Variants in ANK2 observed in about 807,000 individuals in gnomAD.
ANK2 encodes ankyrin-2.
A neutral mutation model predicts 360.5 loss-of-function variants in ANK2; 83 were observed. The observed-to-expected ratio is 0.23, with a 90% CI of 0.19 to 0.28. The LOEUF (loss-of-function observed/expected upper bound fraction) is 0.28, where lower values mean the gene tolerates loss of function less well. Among genes scored for constraint, ANK2 ranks in the 10% least tolerant of loss-of-function variants. The pLI is 1.00. For missense variants in ANK2, 4,201 were observed against 4,795.7 expected (o/e 0.88, Z 3.66); for synonymous variants, 1,740 against 1,759.5 (o/e 0.99, Z 0.28).
intron 4 of ANK2, among the ~76,000 whole-genome samples, chr4:113,228,527 A>G (rs1024757039): frequency 2.0e-5 from 3 of 152,006 alleles, no homozygotes; most frequent in Non-Finnish European, 4.4e-5. Context: ...GTTCCTTTTT[A>G]TGGCTGGGTA....
the ANK2 span, among the ~76,000 whole-genome samples, chr4:112,789,197 G>T: frequency 6.6e-6 from 1 of 152,108 alleles, no homozygotes; most frequent in African/African-American, 2.4e-5. Flanking sequence ...GTTCAGAAAG[G>T]ACTCAAAAGG....
At chr4:112,749,779 C>T in the ANK2 span, among the ~76,000 whole-genome samples, 2 of 152,112 alleles carry the variant, frequency 1.3e-5, no homozygotes, top group African/African-American at 4.8e-5. Flanking sequence ...CAGAGTCTTG[C>T]TCTGTCACCA....
the ANK2 span, among the ~76,000 whole-genome samples, chr4:112,745,706 G>T: frequency 5.3e-5 from 8 of 151,780 alleles, no homozygotes; most frequent in South Asian, 1.7e-3. Flanking sequence ...GCTAATTTTT[G>T]ATTTTTAGTA....
chr4:113,000,297 A>G (rs554240810), intron 2 of ANK2, among the ~76,000 whole-genome samples: 8 of 152,350 alleles, frequency 5.3e-5, no homozygotes, highest in African/African-American at 1.9e-4. Flanking sequence ...TTCCTGGTAC[A>G]GAGAGATGGA....
At chr4:113,039,034 G>A (rs2062252613) in intron 2 of ANK2, among the ~76,000 whole-genome samples, 1 of 152,060 alleles carries the variant, frequency 6.6e-6, no homozygotes, top group African/African-American at 2.4e-5. Context: ...GGTATTTTGT[G>A]AGGTAATAGG....
At chr4:113,203,684 T>A (rs2098891827) in intron 4 of ANK2, among the ~76,000 whole-genome samples, 1 of 152,146 alleles carries the variant, frequency 6.6e-6, no homozygotes, top group African/African-American at 2.4e-5. Flanking sequence ...CTGCCAGGCA[T>A]TGTCTCTAGT....
chr4:113,268,709 C>CT (rs535740656), intron 14 of ANK2, among the ~76,000 whole-genome samples: 105 of 152,178 alleles, frequency 6.9e-4, no homozygotes, highest in African/African-American at 2.4e-3. Flanking sequence ...CTGAAATTTT[C>CT]TTTTTTTGTT....
chr4:113,149,316 C>T (rs2096949118), intron 1 of ANK2: 1 of 151,992 alleles, frequency 6.6e-6, no homozygotes, highest in Non-Finnish European at 1.5e-5. Flanking sequence ...GAGATGATTC[C>T]TTATCTATGA....
the ANK2 span, among the ~76,000 whole-genome samples, chr4:112,805,444 C>T: frequency 2.0e-5 from 3 of 152,046 alleles, no homozygotes; most frequent in Non-Finnish European, 2.9e-5. Context: ...TTTTTGTGCT[C>T]GCTATGCACC....
chr4:112,803,506 G>A, the ANK2 span, among the ~76,000 whole-genome samples: 37 of 152,216 alleles, frequency 2.4e-4, no homozygotes, highest in African/African-American at 8.7e-4. Context: ...GTCAAAGAAT[G>A]TTGGCTGCCA....
chr4:113,005,500 C>T (rs2052507451), intron 2 of ANK2, among the ~76,000 whole-genome samples: 2 of 152,064 alleles, frequency 1.3e-5, no homozygotes, highest in Non-Finnish European at 2.9e-5. Flanking sequence ...GCAAATACCA[C>T]GTGTCCTCAC....
At chr4:113,314,235 T>C (rs1390046195) in intron 24 of ANK2, among the ~76,000 whole-genome samples, 1 of 152,200 alleles carries the variant, frequency 6.6e-6, no homozygotes, top group Non-Finnish European at 1.5e-5. Context: ...TACTAAATAA[T>C]AATGAACCAC....
chr4:112,709,630 T>C, the ANK2 span, among the ~76,000 whole-genome samples: 93 of 152,160 alleles, frequency 6.1e-4, 1 homozygote, highest in East Asian at 0.017. Flanking sequence ...GCACCTGTAA[T>C]CCCAGATACT....
At chr4:112,967,761 G>A (rs2037886882) in intron 2 of ANK2, among the ~76,000 whole-genome samples, 1 of 152,178 alleles carries the variant, frequency 6.6e-6, no homozygotes, top group South Asian at 2.1e-4. Context: ...CACTCAGACA[G>A]ATCTTGAATG....
At chr4:113,105,891 T>C (rs1384327856) in intron 1 of ANK2, among the ~76,000 whole-genome samples, 1 of 152,198 alleles carries the variant, frequency 6.6e-6, no homozygotes, top group Non-Finnish European at 1.5e-5. Flanking sequence ...TATACATATT[T>C]TGATTTAACC....
intron 1 of ANK2, among the ~76,000 whole-genome samples, chr4:112,901,641 C>T (rs538495128): frequency 3.3e-5 from 5 of 151,890 alleles, no homozygotes; most frequent in Admixed American, 6.6e-5. Context: ...GGCAGGCGGA[C>T]CATGAGGTCA....
At chr4:113,047,737 T>C (rs313936), upstream of ANK2, among the ~76,000 whole-genome samples, 26,950 of 151,880 alleles carry the variant, frequency 0.18, 3,460 homozygotes, top group African/African-American at 0.36. Context: ...AAGATACCAC[T>C]GAAGCAATGG....
intron 3 of ANK2, 138 bp from the exon 4 acceptor site, chr4:113,198,873 G>T: frequency 1.4e-6 from 1 of 705,350 alleles, no homozygotes; most frequent in Non-Finnish European, 2.4e-6. Flanking sequence ...TAATCTCTTC[G>T]TAAGTGGGCT....
At position 112,852,044 on chromosome 4, in the gene ANK2, C is replaced by T. The variant is rs180906463; in HGVS notation, c.-40+33780C>T. Among the ~76,000 whole-genome samples, 490 of 152,318 alleles carry T rather than the reference C, an allele frequency of 3.2e-3. 3 individuals carry two copies. Among genetic ancestry groups the T allele is most frequent in the Admixed American group, 6.9e-3 (105 of 15,286 alleles). On this transcript the variant is annotated intron_variant, in intron 1 of 30. Coordinates refer to the ANK2 transcript ENST00000503271. Reference sequence around the variant, plus strand: ...TCAAATCTGTCAGTGTTTTCCTTTGCTTCTAGTTTGCTTTCTGAAGAAGGT... The same window carrying T: ...TCAAATCTGTCAGTGTTTTCCTTTGTTTCTAGTTTGCTTTCTGAAGAAGGT...
Sources: allele counts gnomAD v4.1 joint callset (sites outside exome capture counted in the v4.1 genomes callset), GRCh38; gene constraint gnomAD v4.1.1; transcripts MANE v1.5; gene names NCBI Gene and HGNC (gene_info 2026-07-23, HGNC 2026-07-21).